The following PPP2R5C variants were observed in gnomAD, a reference collection of about 807,000 sequenced individuals.
PPP2R5C encodes the protein protein phosphatase 2 regulatory subunit B'gamma.
In PPP2R5C, 7 loss-of-function variants were observed where a neutral mutation model predicts 68.9. That is an observed-to-expected ratio of 0.10 (90% CI 0.06 to 0.19). The LOEUF (loss-of-function observed/expected upper bound fraction) is 0.19, where lower values mean the gene tolerates loss of function less well. Ranked by LOEUF, PPP2R5C falls within the 10% of genes least tolerant of loss-of-function variation. The pLI is 1.00. For missense variants in PPP2R5C, 348 were observed against 641.3 expected (o/e 0.54, Z 4.94); for synonymous variants, 210 against 222.2 (o/e 0.95, Z 0.49).
At chr14:101,842,024 G>C (rs974192730) in intron 1 of PPP2R5C, among the ~76,000 whole-genome samples, 1 of 152,080 alleles carries the variant, frequency 6.6e-6, no homozygotes, top group African/African-American at 2.4e-5. Context: ...ATACCTGCAG[G>C]TTCCCCCCAC....
intron 2 of PPP2R5C, among the ~76,000 whole-genome samples, 165 bp downstream of exon 2, chr14:101,763,135 A>G (rs1193681028): frequency 6.6e-6 from 1 of 151,934 alleles, no homozygotes; most frequent in East Asian, 1.9e-4. Flanking sequence ...TTAGGTATTT[A>G]CTGTTTTGCT....
chr14:101,762,361 G>A (rs1432399267), intron 1 of PPP2R5C, among the ~76,000 whole-genome samples: 1 of 152,158 alleles, frequency 6.6e-6, no homozygotes, highest in Non-Finnish European at 1.5e-5. Context: ...CCCTGTACGG[G>A]GGAAAGGGAG....
chr14:101,809,608 G>C (rs1323134766), upstream of PPP2R5C, among the ~76,000 whole-genome samples: 1 of 121,388 alleles, frequency 8.2e-6, no homozygotes, highest in Non-Finnish European at 1.6e-5. Context: ...TTTGTTTACA[G>C]TCTGGCCAAG....
chr14:101,762,054 G>T (rs2139903865), intron 1 of PPP2R5C, 134 bp downstream of exon 1: 1 of 965,146 alleles, frequency 1.0e-6, no homozygotes, highest in East Asian at 5.9e-5. Context: ...CGTCCCCGAG[G>T]GCGGCCGAGC....
rs763884319 is a variant in PPP2R5C, at chr14:101,917,027, G to A, written c.1327-804G>A. On this transcript the variant is annotated intron_variant, in intron 12 of 13. Coordinates refer to ENST00000334743, the Ensembl canonical transcript of PPP2R5C. This position sits in a 1 kb window ranked among gnomAD's most constrained non-coding sequence, Gnocchi z 4.4. ...AGCAGACACAGATGCCACTTCCTTCGCCTGTGCCCTCAGAGCCAGCAGACG... is the reference window on the plus strand; with the variant it reads ...AGCAGACACAGATGCCACTTCCTTCACCTGTGCCCTCAGAGCCAGCAGACG... Among the ~76,000 whole-genome samples, 9 of 152,106 alleles carry A rather than the reference G, an allele frequency of 5.9e-5. No homozygotes were observed. Among genetic ancestry groups the A allele is most frequent in the Non-Finnish European group, 1.0e-4 (7 of 68,018 alleles).
At chr14:101,816,829 CTT>C (rs1444785785) in intron 1 of PPP2R5C, among the ~76,000 whole-genome samples, 4 of 142,256 alleles carry the variant, frequency 2.8e-5, no homozygotes, top group African/African-American at 1.1e-4. Context: ...GAGATTTTAA[CTT>C]TTTCATAATG....
Position 101,873,044 on chromosome 14 carries a change from AT to A in PPP2R5C, c.295-9109del, listed in dbSNP as rs900751990. On this transcript the variant is annotated intron_variant, in intron 2 of 13. Coordinates refer to ENST00000334743, the Ensembl canonical transcript of PPP2R5C. ...TTACAGTAAATTTTTCATTTCACAC[AT>A]TTTTTTTAATTAAGTGAGCAAATTT... Among the ~76,000 whole-genome samples, 317 of 150,226 alleles carry A rather than the reference AT, an allele frequency of 2.1e-3. 1 individual carries two copies. Among genetic ancestry groups the A allele is most frequent in the African/African-American group, 6.9e-3 (283 of 40,786 alleles).
In PPP2R5C at chr14:101,892,963, C is replaced by T. The variant is rs760060939; in HGVS notation, c.690-37C>T. ...AGATATTTGTTTAAAACCTGGAATT[C>T]GTAAATGTTCAAACCTAATAAATGT... On this transcript the variant is annotated intron_variant, in intron 6 of 13. Transcript: ENST00000334743. The T allele has an allele frequency of 9.9e-6, 14 of 1,414,938 alleles. No homozygotes were observed. The African/African-American group carries it at 1.0e-4, about 10-fold the overall frequency. 87.6% of individuals were successfully genotyped at this position (1,414,938 alleles called of 1,614,324 possible). A position where few individuals can be genotyped will look rare whatever the true frequency, so the allele number is the denominator to read the frequency against.
intron 2 of PPP2R5C, among the ~76,000 whole-genome samples, chr14:101,880,711 C>T (rs56395830): frequency 6.6e-6 from 1 of 152,056 alleles, no homozygotes; most frequent in South Asian, 2.1e-4. Flanking sequence ...GCAGGAGGAT[C>T]GTGTGAACCC....
intron 2 of PPP2R5C, among the ~76,000 whole-genome samples, chr14:101,860,540 T>G (rs991307936): frequency 2.0e-5 from 3 of 152,258 alleles, no homozygotes; most frequent in African/African-American, 7.2e-5. Flanking sequence ...TCGTATCTCT[T>G]GGGCATATAC....
chr14:101,887,446 G>A (rs370717593), intron 5 of PPP2R5C, among the ~76,000 whole-genome samples: 1 of 152,242 alleles, frequency 6.6e-6, no homozygotes. Flanking sequence ...CGCCAGCTCA[G>A]TGGCTTCTGT....
exon 14 of PPP2R5C, chr14:101,925,460 G>C: frequency 2.9e-6 from 3 of 1,032,618 alleles, no homozygotes; most frequent in Non-Finnish European, 4.0e-6. Context: ...CCCAGAGCCC[G>C]CTGGCAGAGC....
chr14:101,856,143 G>A (rs2042412293), intron 1 of PPP2R5C, among the ~76,000 whole-genome samples: 2 of 152,174 alleles, frequency 1.3e-5, no homozygotes, highest in African/African-American at 4.8e-5. Flanking sequence ...TTGGACTGAT[G>A]CCAGTTGCTC....
chr14:101,828,976 G>GCCTCAAAAGATATTCTTTTTCTTA (rs2040567367), intron 1 of PPP2R5C, among the ~76,000 whole-genome samples: 2 of 152,304 alleles, frequency 1.3e-5, no homozygotes, highest in Admixed American at 1.3e-4. Flanking sequence ...ACCGTGCCCA[G>GCCTCAAAAGATATTCTTTTTCTTA]CCTCAAAAGA....
At chr14:101,867,780 A>AAATT (rs758125603) in intron 2 of PPP2R5C, among the ~76,000 whole-genome samples, 56 of 151,766 alleles carry the variant, frequency 3.7e-4, no homozygotes, top group African/African-American at 8.3e-4. Context: ...TCCATCAAAA[A>AAATT]AATTAATTAA....
In PPP2R5C at chr14:101,781,966, A is replaced by C. The variant is rs2140032021; in HGVS notation, c.94-4052A>C. Among the ~76,000 whole-genome samples, 1 of 150,594 alleles carries C rather than the reference A, an allele frequency of 6.6e-6. No individual in the cohort carries two copies. The highest frequency in any genetic ancestry group is 2.0e-4 in the East Asian group (1 of 5,054). On this transcript the variant is annotated intron_variant, in intron 2 of 14. Coordinates refer to the PPP2R5C transcript ENST00000328724. This position sits in a 1 kb window ranked among gnomAD's most constrained non-coding sequence, Gnocchi z 6.4. ...CGCTCTGGGCAGCTGCTCCCAAGGGAGCCCCTCGCCCTCTCTCTCTCCTTC... is the reference window on the plus strand; with the variant it reads ...CGCTCTGGGCAGCTGCTCCCAAGGGCGCCCCTCGCCCTCTCTCTCTCCTTC...
chr14:101,827,321 G>A (rs2040459127), intron 1 of PPP2R5C, among the ~76,000 whole-genome samples: 1 of 152,184 alleles, frequency 6.6e-6, no homozygotes, highest in African/African-American at 2.4e-5. Flanking sequence ...ATTCTAGGAT[G>A]TATATTGCAT....
intron 8 of PPP2R5C, among the ~76,000 whole-genome samples, chr14:101,898,125 C>T (rs538092074): frequency 6.6e-6 from 1 of 152,282 alleles, no homozygotes; most frequent in South Asian, 2.1e-4. Flanking sequence ...GCACCAACTT[C>T]ACTCCATCCT....
intron 1 of PPP2R5C, among the ~76,000 whole-genome samples, chr14:101,846,660 C>T (rs1211007621): frequency 6.6e-6 from 1 of 152,164 alleles, no homozygotes; most frequent in African/African-American, 2.4e-5. Context: ...GTAAGAGATC[C>T]TTGTTACCAA....
Sources: gnomAD v4.1 joint callset for allele counts (sites outside exome capture counted in the v4.1 genomes callset) on GRCh38, gnomAD v4.1.1 for gene constraint, Gnocchi (gnomAD v3.1) non-coding constraint, MANE v1.5 for transcripts, NCBI Gene and HGNC (gene_info 2026-07-23, HGNC 2026-07-21) for gene names.